Variants in MRGPRX3 observed in about 807,000 individuals in gnomAD.
MRGPRX3 encodes the protein mas-related G protein-coupled receptor member X3.
In MRGPRX3, 14 loss-of-function variants were observed where a neutral mutation model predicts 16.5. The observed-to-expected ratio is 0.85, with a 90% confidence interval of 0.56 to 1.33. MRGPRX3 has a LOEUF of 1.33. Among genes scored for constraint, MRGPRX3 ranks in the 40% most tolerant of loss-of-function variants. The pLI is 0.00. For synonymous variants in MRGPRX3, 199 were observed against 180.1 expected (o/e 1.10, Z -0.84); for missense variants, 449 against 413.0 (o/e 1.09, Z -0.76).
intron 1 of MRGPRX3, among the ~76,000 whole-genome samples, chr11:18,122,280 G>T (rs1214721254): frequency 1.3e-5 from 2 of 152,106 alleles, no homozygotes; most frequent in African/African-American, 2.4e-5. Flanking sequence ...ATATACATGT[G>T]CCATGCTGGT....
At chr11:18,134,217 G>A (rs1488868379) in intron 1 of MRGPRX3, among the ~76,000 whole-genome samples, 1 of 152,182 alleles carries the variant, frequency 6.6e-6, no homozygotes, top group Admixed American at 6.5e-5. Flanking sequence ...TAGAATATAA[G>A]TTTGGCTGAT....
At position 18,138,315 on chromosome 11, in the gene MRGPRX3, C is replaced by A. The variant is rs1849034806; in HGVS notation, c.*144C>A. The A allele has an allele frequency of 7.6e-7, 1 of 1,317,048 alleles. No individual in the cohort carries two copies. Among genetic ancestry groups the A allele is most frequent in the African/African-American group, 1.5e-5 (1 of 67,884 alleles). The allele number at this position is 1,317,048 out of a possible 1,614,324, so 81.6% of individuals were successfully genotyped here. On this transcript the variant is annotated 3_prime_UTR_variant, in exon 2 of 2. Transcript: ENST00000621697. ...GTCTTCGAATAGATGTTTATCTAAC[C>A]TGACAGTTGCAGTTTTCACCCATGG...
chr11:18,128,738 T>C (rs1848929147), upstream of MRGPRX3, among the ~76,000 whole-genome samples: 1 of 152,236 alleles, frequency 6.6e-6, no homozygotes, highest in South Asian at 2.1e-4. Context: ...GGTGAGGTGA[T>C]GTCTCGCCCT....
At chr11:18,134,891 G>C (rs1848994831) in intron 1 of MRGPRX3, among the ~76,000 whole-genome samples, 1 of 152,172 alleles carries the variant, frequency 6.6e-6, no homozygotes, top group South Asian at 2.1e-4. Flanking sequence ...ACTGGGATGT[G>C]GGTCCTTGTG....
chr11:18,133,792 A>C (rs1431964858), intron 1 of MRGPRX3, among the ~76,000 whole-genome samples: 2 of 152,216 alleles, frequency 1.3e-5, no homozygotes, highest in African/African-American at 4.8e-5. Flanking sequence ...CAATTTGAGA[A>C]TGAACTAATA....
intron 1 of MRGPRX3, among the ~76,000 whole-genome samples, chr11:18,126,737 C>T (rs978422366): frequency 5.9e-5 from 9 of 152,002 alleles, no homozygotes; most frequent in Middle Eastern, 3.4e-3. Flanking sequence ...TGAGAATATG[C>T]GGTGTTTGGT....
chr11:18,129,613 G>T (rs1181923884), upstream of MRGPRX3, among the ~76,000 whole-genome samples: 1 of 152,088 alleles, frequency 6.6e-6, no homozygotes, highest in African/African-American at 2.4e-5. Flanking sequence ...GATATTCAAA[G>T]AAAAATTGGT....
chr11:18,137,747 C>T lies in MRGPRX3; in HGVS notation c.545C>T (p.Ala182Val), dbSNP rs765082489. ...WCETSDFITI[A>V]WLVFLCVVLC... Reference sequence around the variant, plus strand: ...GAAACGTCAGATTTCATTACAATCGCGTGGCTGGTTTTTTTATGTGTGGTT... The same window carrying T: ...GAAACGTCAGATTTCATTACAATCGTGTGGCTGGTTTTTTTATGTGTGGTT... Residue 182 changes from alanine to valine, a missense_variant, in exon 2 of 2, where the codon GCG (alanine) becomes GTG (valine). By Grantham distance (64) the Ala-to-Val change is moderately conservative. Coordinates refer to ENST00000621697, the MANE Select transcript of MRGPRX3 (RefSeq NM_001370464.1). 9.9e-6 allele frequency: 16 copies of T among 1,613,894 alleles called. No individual in the cohort carries two copies. The highest frequency in any genetic ancestry group is 4.4e-5 in the South Asian group (4 of 91,058).
rs1849035031 is a variant in MRGPRX3, at chr11:18,138,346, A to G, written c.*175A>G. On this transcript the variant is annotated 3_prime_UTR_variant, in exon 2 of 2. Coordinates refer to ENST00000621697, the MANE Select transcript of MRGPRX3 (RefSeq NM_001370464.1). ...GTTGCAGTTTTCACCCATGGAAAGC[A>G]TTAGTCTGACAGTACAATGTTTGGA... 1.0e-6 allele frequency: 1 copy of G among 953,308 alleles called. No homozygotes were observed. Among genetic ancestry groups the G allele is most frequent in the Non-Finnish European group, 1.5e-6 (1 of 652,662 alleles). The allele number at this position is 953,308 out of a possible 1,614,324, so 59.1% of individuals were successfully genotyped here.
At chr11:18,130,652 A>T (rs1848951798), upstream of MRGPRX3, among the ~76,000 whole-genome samples, 1 of 151,528 alleles carries the variant, frequency 6.6e-6, no homozygotes, top group Admixed American at 6.6e-5. Flanking sequence ...CATTCTTCAC[A>T]GAACTAGAAA....
chr11:18,136,122 A>G (rs1849005607), intron 1 of MRGPRX3, among the ~76,000 whole-genome samples: 1 of 152,236 alleles, frequency 6.6e-6, no homozygotes. Flanking sequence ...TTGCATCAAC[A>G]AAGAAACGCT....
intron 1 of MRGPRX3, among the ~76,000 whole-genome samples, chr11:18,134,321 C>T (rs1423522426): frequency 6.6e-6 from 1 of 152,130 alleles, no homozygotes; most frequent in Admixed American, 6.5e-5. Flanking sequence ...CAACAAACTA[C>T]AGGAGGAAAC....
chr11:18,121,486 C>T (rs996544328), intron 1 of MRGPRX3, among the ~76,000 whole-genome samples: 16 of 152,228 alleles, frequency 1.1e-4, no homozygotes, highest in African/African-American at 3.1e-4. Context: ...CCAGCCGCCC[C>T]GTCTGGGAGG....
At chr11:18,130,189 C>T (rs764483466), upstream of MRGPRX3, among the ~76,000 whole-genome samples, 1 of 152,056 alleles carries the variant, frequency 6.6e-6, no homozygotes, top group Non-Finnish European at 1.5e-5. Flanking sequence ...AGCAATCAGA[C>T]AAGAGAAAGA....
At chr11:18,122,027 G>GA (rs57582114) in intron 1 of MRGPRX3, among the ~76,000 whole-genome samples, 123,081 of 137,294 alleles carry the variant, frequency 0.9, 56,170 homozygotes, top group South Asian at 0.98. Context: ...AAGAAAAAAA[G>GA]AAAAAAAAAA....
At chr11:18,127,706 A>G (rs936258822), upstream of MRGPRX3, among the ~76,000 whole-genome samples, 10 of 152,128 alleles carry the variant, frequency 6.6e-5, no homozygotes, top group Non-Finnish European at 1.3e-4. Context: ...CTTCTTTGCC[A>G]TGGGTTCGAA....
chr11:18,124,856 CAA>C (rs1848875628), intron 1 of MRGPRX3, among the ~76,000 whole-genome samples: 1 of 152,206 alleles, frequency 6.6e-6, no homozygotes, highest in African/African-American at 2.4e-5. Context: ...ATTATTACCT[CAA>C]TTTCAGAGCC....
chr11:18,137,339 C>T lies in MRGPRX3; in HGVS notation c.137C>T (p.Ala46Val), dbSNP rs773230791. 6.8e-6 allele frequency: 11 copies of T among 1,614,060 alleles called. No individual in the cohort carries two copies. The highest frequency in any genetic ancestry group is 1.6e-4 in the Middle Eastern group (1 of 6,084). ...IVSLVALTGN[A>V]VVLWLLGCRM... ...TCCCTTGTCGCGCTGACAGGAAACG[C>T]GGTTGTGCTCTGGCTCCTGGGCTGC... The change falls in exon 2 of 2, where the codon GCG becomes GTG. Residue 46 changes from alanine (A) to valine (V), a missense_variant. Physicochemically the swap from Ala to Val is moderately conservative, Grantham distance 64. Coordinates refer to ENST00000621697, the MANE Select transcript of MRGPRX3 (RefSeq NM_001370464.1).
intron 1 of MRGPRX3, among the ~76,000 whole-genome samples, chr11:18,134,719 T>C (rs1848993246): frequency 6.6e-6 from 1 of 152,190 alleles, no homozygotes; most frequent in African/African-American, 2.4e-5. Flanking sequence ...CCTACATGGT[T>C]CCCAGCGACA....
Sources: gnomAD v4.1 joint callset for allele counts (sites outside exome capture counted in the v4.1 genomes callset) on GRCh38, gnomAD v4.1.1 for gene constraint, MANE v1.5 for transcripts, NCBI Gene and HGNC (gene_info 2026-07-23, HGNC 2026-07-21) for gene names.